The following MPDZ variants were observed in gnomAD, a reference collection of about 807,000 sequenced individuals.
The protein encoded by MPDZ is multiple PDZ domain crumbs cell polarity complex component.
MPDZ carries 234 observed loss-of-function variants against 239.1 expected under a neutral mutation model. The ratio of observed to expected loss-of-function variants is 0.98; its 90% confidence interval spans 0.88 to 1.09. MPDZ has a LOEUF of 1.09. MPDZ is among the 50% of genes least tolerant of loss of function. The pLI is 0.00. For missense variants in MPDZ, 3,175 were observed against 2,510.0 expected, an observed-to-expected ratio of 1.26 and a Z score of -5.66; for synonymous variants, 1,048 against 881.3, an observed-to-expected ratio of 1.19 and a Z score of -3.35.
rs869272418 is a variant in MPDZ at position 13,136,325 on chromosome 9, C to CTTTTTTTTTTTTTTT, written c.4293-158_4293-144dup. ...ACACTTACAAATTTACAAACGTTTT[C>CTTTTTTTTTTTTTTT]TTTTTTTTTTTTTTTTTTTTTTTTG... On this transcript the variant is annotated intron_variant, in intron 30 of 46. Transcript: ENST00000319217. 170 of 156,664 alleles carry CTTTTTTTTTTTTTTT rather than the reference C, an allele frequency of 1.1e-3. 15 individuals are homozygous for CTTTTTTTTTTTTTTT. Among genetic ancestry groups the CTTTTTTTTTTTTTTT allele is most frequent in the African/African-American group, 4.3e-3 (70 of 16,180 alleles). The allele number at this position is 156,664 out of a possible 1,614,324, so 9.7% of individuals were successfully genotyped here.
chr9:13,279,250 TACCCCCACCCCC>T (rs1397271354), intron 1 of MPDZ, 138 bp downstream of exon 1: 1 of 45,844 alleles, frequency 2.2e-5, no homozygotes, highest in African/African-American at 6.5e-5. Context: ...CCGCCACCCC[TACCCCCACCCCC>T]ACCCCCACCC....
At chr9:13,134,830 T>G (rs1465421261) in intron 31 of MPDZ, 1 of 152,246 alleles carries the variant, frequency 6.6e-6, no homozygotes, top group Non-Finnish European at 1.5e-5. Flanking sequence ...CATGGCAGCA[T>G]GTAGAGCTGT....
At chr9:13,179,503 C>A (rs573993514) in intron 19 of MPDZ, among the ~76,000 whole-genome samples, 1 of 152,164 alleles carries the variant, frequency 6.6e-6, no homozygotes, top group Non-Finnish European at 1.5e-5. Context: ...CTAATCAACA[C>A]AGTAGACAAC....
chr9:13,198,010 G>C (rs1487310033), intron 12 of MPDZ, among the ~76,000 whole-genome samples: 1 of 152,074 alleles, frequency 6.6e-6, no homozygotes, highest in African/African-American at 2.4e-5. Flanking sequence ...TCGGCACTTA[G>C]GTTGCTTCCA....
intron 1 of MPDZ, among the ~76,000 whole-genome samples, chr9:13,269,993 G>C (rs1455968446): frequency 6.6e-6 from 1 of 152,110 alleles, no homozygotes; most frequent in Admixed American, 6.6e-5. Context: ...ACACTATTTA[G>C]TTACCATATG....
intron 2 of MPDZ, among the ~76,000 whole-genome samples, chr9:13,249,657 G>A (rs1967382149): frequency 6.6e-6 from 1 of 152,110 alleles, no homozygotes; most frequent in Non-Finnish European, 1.5e-5. Context: ...GAGTTACCTG[G>A]AATAGGGTAA....
At chr9:13,235,834 G>GC (rs1354950521) in intron 3 of MPDZ, among the ~76,000 whole-genome samples, 1 of 151,980 alleles carries the variant, frequency 6.6e-6, no homozygotes, top group Non-Finnish European at 1.5e-5. Context: ...AAGACAGAAA[G>GC]CAAAGAACAC....
At chr9:13,232,002 G>T (rs1258739992) in intron 3 of MPDZ, among the ~76,000 whole-genome samples, 2 of 151,914 alleles carry the variant, frequency 1.3e-5, no homozygotes, top group African/African-American at 4.8e-5. Flanking sequence ...CAGTTCAAAA[G>T]ATGGGAGAAA....
At chr9:13,110,120 G>C (rs900174689) in intron 44 of MPDZ, 56 bp from the exon 45 acceptor site, 3 of 1,279,212 alleles carry the variant, frequency 2.3e-6, no homozygotes, top group Non-Finnish European at 3.3e-6. Context: ...GCTAGGGAAA[G>C]TAATTTTTCT....
intron 18 of MPDZ, among the ~76,000 whole-genome samples, chr9:13,184,442 G>A (rs1163590699): frequency 6.6e-6 from 1 of 151,468 alleles, no homozygotes; most frequent in Non-Finnish European, 1.5e-5. Flanking sequence ...TCAACTTACT[G>A]CTTACCCAGG....
chr9:13,271,471 G>A (rs942590825), intron 1 of MPDZ, among the ~76,000 whole-genome samples: 9 of 152,180 alleles, frequency 5.9e-5, no homozygotes, highest in African/African-American at 1.9e-4. Context: ...AAATGTGACA[G>A]AAATGTCCGT....
intron 4 of MPDZ, among the ~76,000 whole-genome samples, chr9:13,224,011 G>T (rs954432787): frequency 6.6e-6 from 1 of 151,530 alleles, no homozygotes; most frequent in African/African-American, 2.4e-5. Context: ...TCCAGTGTGG[G>T]TGACAGAGCA....
intron 19 of MPDZ, among the ~76,000 whole-genome samples, chr9:13,181,957 G>C (rs913849599): frequency 7.2e-5 from 11 of 152,038 alleles, no homozygotes; most frequent in Admixed American, 5.9e-4. Flanking sequence ...TCTCAGGTGT[G>C]GTGAGAGAGG....
intron 42 of MPDZ, among the ~76,000 whole-genome samples, chr9:13,112,501 C>A (rs1942666714): frequency 6.6e-6 from 1 of 152,162 alleles, no homozygotes; most frequent in Non-Finnish European, 1.5e-5. Flanking sequence ...GGAATAAGTC[C>A]ACTCCACTCA....
At position 13,188,899 on chromosome 9, in the gene MPDZ, C is replaced by T. The variant is rs200354237; in HGVS notation, c.2249G>A (p.Arg750Gln). 5.6e-6 allele frequency: 9 copies of T among 1,613,422 alleles called. No homozygotes were observed. The highest frequency in any genetic ancestry group is 4.4e-5 in the South Asian group (4 of 91,070). ...GTTAACATCGTTTACAAACATGAGT[C>T]GGTCACCAGGAAGAAGTCGTCCATC... is the stretch of plus-strand genomic sequence containing the variant. Reference protein sequence around the residue: ...EKDGRLLPGDRLMFVNDVNLE... With the variant: ...EKDGRLLPGDQLMFVNDVNLE... The change falls in exon 17 of 47, where the codon CGA becomes CAA. Residue 750 changes from arginine (R) to glutamine (Q), a missense_variant. Physicochemically the swap from Arg to Gln is conservative, Grantham distance 43 (BLOSUM62 1). Transcript: ENST00000319217.
intron 20 of MPDZ, 67 bp downstream of exon 20, chr9:13,176,069 C>G: frequency 6.8e-7 from 1 of 1,466,552 alleles, no homozygotes; most frequent in Non-Finnish European, 9.1e-7. Context: ...AGAGATTAGC[C>G]AGAATAACCT....
In MPDZ at chr9:13,224,428, A is replaced by ATAAT. The variant is rs1190903073; in HGVS notation, c.338_339insATTA (p.Asn114LeufsTer2). ...ATTCATCACAAGCAGGTTTCCCATT[A>ATAAT]ATGTGTGGAATACCAGGTCCTGTAA... On this transcript the variant is annotated frameshift_variant, in exon 4 of 47. Transcript: ENST00000319217. LOFTEE classifies it high-confidence loss of function. The ATAAT allele has an allele frequency of 6.2e-7, 1 of 1,612,866 alleles. No individual in the cohort carries two copies. Among genetic ancestry groups the ATAAT allele is most frequent in the Non-Finnish European group, 8.5e-7 (1 of 1,179,256 alleles).
chr9:13,115,343 G>A lies in MPDZ; in HGVS notation c.5380-9C>T, dbSNP rs781283262. 31 of 1,602,044 alleles carry A rather than the reference G, an allele frequency of 1.9e-5. No homozygotes were observed. In the East Asian group the frequency reaches 2.0e-4, roughly 10 times the overall value. ...ACTGTGCCTAGGGAACACTGGGGGT[G>A]GGCATGGGGGGTGTTTTATGGAAAT... On this transcript the variant is annotated splice_polypyrimidine_tract_variant and intron_variant, in intron 39 of 46. Transcript: ENST00000319217.
chr9:13,120,370 T>G (rs1377052531), intron 38 of MPDZ: 1 of 152,264 alleles, frequency 6.6e-6, no homozygotes, highest in African/African-American at 2.4e-5. Flanking sequence ...ATTTCACCAT[T>G]TGATCCTCCG....
Sources: allele counts gnomAD v4.1 joint callset (sites outside exome capture counted in the v4.1 genomes callset), GRCh38; gene constraint gnomAD v4.1.1; transcripts MANE v1.5; gene names NCBI Gene and HGNC (gene_info 2026-07-23, HGNC 2026-07-21).